FOCAD: variants seen among roughly 807,000 people sequenced by gnomAD.
FOCAD encodes the protein KIAA1797.
FOCAD carries 198 observed loss-of-function variants against 225.6 expected under a neutral mutation model. The observed-to-expected ratio is 0.88, with a 90% CI of 0.78 to 0.99. The LOEUF (loss-of-function observed/expected upper bound fraction) is 0.99, where lower values mean the gene tolerates loss of function less well. Among genes scored for constraint, FOCAD ranks in the 50% least tolerant of loss-of-function variants. The pLI is 0.00. For synonymous variants in FOCAD, 897 were observed against 755.0 expected, an observed-to-expected ratio of 1.19 and a Z score of -3.08; for missense variants, 2,713 against 2,123.6, an observed-to-expected ratio of 1.28 and a Z score of -5.46.
At chr9:20,866,109 T>G in intron 17 of FOCAD, 133 bp downstream of exon 17, 1 of 732,404 alleles carries the variant, frequency 1.4e-6, no homozygotes. Context: ...AAAAAAAGTG[T>G]GATTATTCAT....
chr9:20,851,555 T>C (rs1827658335), intron 15 of FOCAD, among the ~76,000 whole-genome samples: 2 of 151,776 alleles, frequency 1.3e-5, no homozygotes, highest in East Asian at 3.9e-4. Context: ...TTAAAGTAAA[T>C]TCACTAATAA....
chr9:20,725,679 T>G (rs1359556636), intron 4 of FOCAD, among the ~76,000 whole-genome samples: 1 of 152,170 alleles, frequency 6.6e-6, no homozygotes, highest in African/African-American at 2.4e-5. Context: ...CCCACCTGAA[T>G]CCAAGCCCAC....
chr9:20,702,594 A>T (rs1411384944), intron 1 of FOCAD, among the ~76,000 whole-genome samples: 1 of 152,194 alleles, frequency 6.6e-6, no homozygotes, highest in African/African-American at 2.4e-5. Flanking sequence ...AGTAGTACTT[A>T]TGTCATGAGG....
intron 2 of FOCAD, among the ~76,000 whole-genome samples, chr9:20,665,392 T>A (rs1194186151): frequency 6.6e-6 from 1 of 152,190 alleles, no homozygotes; most frequent in African/African-American, 2.4e-5. Flanking sequence ...ACTCTTTATC[T>A]TTTGTAACTA....
intron 29 of FOCAD, among the ~76,000 whole-genome samples, chr9:20,946,437 A>G (rs955622862): frequency 6.6e-6 from 1 of 152,180 alleles, no homozygotes. Flanking sequence ...CTGGGCTTGA[A>G]TCCCTCCTTT....
At chr9:20,666,530 C>G (rs1821903964) in intron 2 of FOCAD, among the ~76,000 whole-genome samples, 1 of 152,042 alleles carries the variant, frequency 6.6e-6, no homozygotes, top group Non-Finnish European at 1.5e-5. Context: ...AAATCACTCC[C>G]CTGCACTCAA....
chr9:20,816,537 C>T (rs1419059921), intron 11 of FOCAD, among the ~76,000 whole-genome samples: 1 of 151,966 alleles, frequency 6.6e-6, no homozygotes, highest in East Asian at 1.9e-4. Flanking sequence ...CACAGCTCCA[C>T]ATGCTGCTGT....
At chr9:20,683,699 A>G (rs1793176886), upstream of FOCAD, among the ~76,000 whole-genome samples, 1 of 152,202 alleles carries the variant, frequency 6.6e-6, no homozygotes, top group Non-Finnish European at 1.5e-5. Context: ...GATATACCAC[A>G]GTGGCGTGGA....
At chr9:20,750,894 G>T (rs1158003941) in intron 5 of FOCAD, among the ~76,000 whole-genome samples, 1 of 152,072 alleles carries the variant, frequency 6.6e-6, no homozygotes, top group Non-Finnish European at 1.5e-5. Flanking sequence ...GCCTTTACAG[G>T]GTTTGTTTGC....
rs559549904 is a variant in FOCAD at position 20,710,280 on chromosome 9, T to A, written c.-32-5042T>A. Among the ~76,000 whole-genome samples the A allele has an allele frequency of 8.8e-4, 131 of 149,186 alleles. 2 individuals carry two copies. The highest frequency in any genetic ancestry group is 3.1e-3 in the African/African-American group (125 of 40,554). On this transcript the variant is annotated intron_variant, in intron 1 of 43. Transcript: ENST00000338382. ...TGAATAACATGTTACATTTTGCCTG[T>A]GGCTTTATCCAGGGTTTGCTTAAAA... is the stretch of plus-strand genomic sequence containing the variant.
At chr9:20,875,985 A>G (rs1438279705) in intron 19 of FOCAD, among the ~76,000 whole-genome samples, 1 of 152,216 alleles carries the variant, frequency 6.6e-6, no homozygotes, top group Non-Finnish European at 1.5e-5. Context: ...AGTCATAACC[A>G]TACTAGCCTG....
intron 28 of FOCAD, among the ~76,000 whole-genome samples, chr9:20,943,818 G>A (rs1221581991): frequency 6.6e-6 from 1 of 152,116 alleles, no homozygotes; most frequent in East Asian, 1.9e-4. Context: ...AATGACAAAA[G>A]CTTTTTTTCT....
intron 21 of FOCAD, among the ~76,000 whole-genome samples, chr9:20,903,530 C>G (rs1832718336): frequency 6.6e-6 from 1 of 151,900 alleles, no homozygotes. Context: ...ATGGTTCTCT[C>G]TTTAGTAAGA....
chr9:20,772,847 A>T (rs1818372924), intron 8 of FOCAD, among the ~76,000 whole-genome samples: 1 of 151,954 alleles, frequency 6.6e-6, no homozygotes, highest in Non-Finnish European at 1.5e-5. Context: ...CTGGGACTCT[A>T]AATAACATGT....
intron 6 of FOCAD, among the ~76,000 whole-genome samples, chr9:20,759,656 G>A (rs1254650143): frequency 3.9e-5 from 6 of 152,160 alleles, no homozygotes; most frequent in Non-Finnish European, 1.5e-5. Context: ...GCATGGGCAA[G>A]GACTTCATGT....
intron 13 of FOCAD, 40 bp downstream of exon 13, chr9:20,820,465 T>C (rs1824201405): frequency 6.6e-7 from 1 of 1,522,808 alleles, no homozygotes; most frequent in Non-Finnish European, 9.1e-7. Flanking sequence ...TTAAATATGT[T>C]CCTTTCACTG....
At chr9:20,871,060 G>A (rs979798722) in intron 18 of FOCAD, among the ~76,000 whole-genome samples, 1 of 151,834 alleles carries the variant, frequency 6.6e-6, no homozygotes, top group African/African-American at 2.4e-5. Flanking sequence ...AGAACTAGCC[G>A]GGAGTGGTGG....
At chr9:20,681,553 A>C (rs1009523399), upstream of FOCAD, among the ~76,000 whole-genome samples, 1 of 152,238 alleles carries the variant, frequency 6.6e-6, no homozygotes, top group Non-Finnish European at 1.5e-5. Context: ...CTTTGTCATG[A>C]ACTGGCAACT....
At chr9:20,755,914 C>T (rs777973029) in intron 5 of FOCAD, among the ~76,000 whole-genome samples, 1 of 152,118 alleles carries the variant, frequency 6.6e-6, no homozygotes, top group Non-Finnish European at 1.5e-5. Context: ...CCAGCCTTGG[C>T]CTCCCAAAGT....
Sources: gnomAD v4.1 joint callset for allele counts (sites outside exome capture counted in the v4.1 genomes callset) on GRCh38, gnomAD v4.1.1 for gene constraint, MANE v1.5 for transcripts, NCBI Gene and HGNC (gene_info 2026-07-23, HGNC 2026-07-21) for gene names.